Variants in EPS8 observed in about 807,000 individuals in gnomAD.
The protein encoded by EPS8 is epidermal growth factor receptor kinase substrate 8.
EPS8 carries 42 observed loss-of-function variants against 103.8 expected under a neutral mutation model. That is an observed-to-expected ratio of 0.40 (90% confidence interval 0.32 to 0.52). EPS8 has a LOEUF of 0.52. Among genes scored for constraint, EPS8 ranks in the 20% least tolerant of loss-of-function variants. The pLI is 0.40. For synonymous variants in EPS8, 344 were observed against 344.6 expected, an observed-to-expected ratio of 1.00 and a Z score of 0.02; for missense variants, 969 against 1,005.1, an observed-to-expected ratio of 0.96 and a Z score of 0.49.
chr12:15,769,821 T>C lies in EPS8; in HGVS notation c.-22+19340A>G, dbSNP rs906304250. On this transcript the variant is annotated intron_variant, in intron 1 of 20. Transcript: ENST00000281172. The surrounding 1 kb of genome is among the most constrained non-coding windows in gnomAD (Gnocchi z 4.6). ...TTCCTGAACTTTCTGACCAAAGTCA[T>C]GTTTTATTATTTCTCAGATGTATTC... 1.3e-5 allele frequency among the ~76,000 whole-genome samples: 2 copies of C among 152,204 alleles called. No individual in the cohort carries two copies. The highest frequency in any genetic ancestry group is 2.4e-5 in the African/African-American group (1 of 41,458).
At chr12:15,667,108 T>A (rs1352386825) in intron 6 of EPS8, among the ~76,000 whole-genome samples, 1 of 152,144 alleles carries the variant, frequency 6.6e-6, no homozygotes, top group Non-Finnish European at 1.5e-5. Context: ...GGGAGCAACG[T>A]GAGATTAGCA....
chr12:15,757,222 G>A lies in EPS8; in HGVS notation c.-22+31939C>T, dbSNP rs1946994835. ...TACCATTTTAAATACCCTCAAAACA[G>A]TGGTGTAGAGTGAAATGTTCTTGAC... On this transcript the variant is annotated intron_variant, in intron 1 of 20. Transcript: ENST00000281172. This position sits in a 1 kb window ranked among gnomAD's most constrained non-coding sequence, Gnocchi z 4.1. 1.3e-5 allele frequency among the ~76,000 whole-genome samples: 2 copies of A among 152,152 alleles called. No individual in the cohort carries two copies. Among genetic ancestry groups the A allele is most frequent in the Non-Finnish European group, 2.9e-5 (2 of 68,018 alleles).
rs942809222 is a variant in EPS8 at position 15,738,025 on chromosome 12, T to C, written c.-22+51136A>G. On this transcript the variant is annotated intron_variant, in intron 1 of 20. Coordinates refer to ENST00000281172, the MANE Select transcript of EPS8 (RefSeq NM_004447.6). This position sits in a 1 kb window ranked among gnomAD's most constrained non-coding sequence, Gnocchi z 6.2. ...TAAAATTAGCTAAACAAATAGTAAA[T>C]GAGGGGAATTCGCTCTTCACAGAAA... is the stretch of plus-strand genomic sequence containing the variant. Among the ~76,000 whole-genome samples, 4 of 151,998 alleles carry C rather than the reference T, an allele frequency of 2.6e-5. No individual in the cohort carries two copies. Among genetic ancestry groups the C allele is most frequent in the African/African-American group, 9.7e-5 (4 of 41,338 alleles).
At position 15,704,130 on chromosome 12, in the gene EPS8, T is replaced by C. The variant is rs1457418303; in HGVS notation, c.-21-21158A>G. On this transcript the variant is annotated intron_variant, in intron 1 of 20. Coordinates refer to ENST00000281172, the MANE Select transcript of EPS8 (RefSeq NM_004447.6). The surrounding 1 kb of genome is among the most constrained non-coding windows in gnomAD (Gnocchi z 4.6). The stretch of plus-strand genomic sequence containing the variant: ...GGTTTTTTTGTTCGTTCATTTAAAA[T>C]ATCCCTTTAATGGTGTAGTCATTGT... Among the ~76,000 whole-genome samples the C allele has an allele frequency of 6.6e-6, 1 of 152,088 alleles. No homozygotes were observed. The highest frequency in any genetic ancestry group is 2.4e-5 in the African/African-American group (1 of 41,418).
At chr12:15,628,610 A>G (rs1944990010) in intron 18 of EPS8, among the ~76,000 whole-genome samples, 3 of 152,238 alleles carry the variant, frequency 2.0e-5, no homozygotes, top group Admixed American at 6.5e-5. Context: ...AATAGCTTCT[A>G]TGACACAAGG....
At position 15,728,916 on chromosome 12, in the gene EPS8, CAT is replaced by C. The variant is rs1250137738; in HGVS notation, c.-21-45946_-21-45945del. 2.0e-5 allele frequency among the ~76,000 whole-genome samples: 3 copies of C among 152,110 alleles called. No individual in the cohort carries two copies. The highest frequency in any genetic ancestry group is 2.0e-4 in the Admixed American group (3 of 15,290). On this transcript the variant is annotated intron_variant, in intron 1 of 20. Transcript: ENST00000281172. The surrounding 1 kb of genome is among the most constrained non-coding windows in gnomAD (Gnocchi z 4.5). ...TTTGTAAATCCATCTTTTTTAAAAA[CAT>C]TTCTTGTAAGGCACTGTGCTGGCAG...
At chr12:15,788,263 A>G (rs562715331) in intron 1 of EPS8, among the ~76,000 whole-genome samples, 3 of 152,370 alleles carry the variant, frequency 2.0e-5, no homozygotes, top group Non-Finnish European at 2.9e-5. Context: ...AAAGAGAAGC[A>G]GTAACACATT....
At chr12:15,726,420 C>T (rs1283295515) in intron 1 of EPS8, among the ~76,000 whole-genome samples, 1 of 151,980 alleles carries the variant, frequency 6.6e-6, no homozygotes, top group African/African-American at 2.4e-5. Context: ...AAAGCACTGG[C>T]TCAGAAGAGT....
Position 15,701,640 on chromosome 12 carries a change from G to A in EPS8, c.-21-18668C>T, listed in dbSNP as rs958453699. On this transcript the variant is annotated intron_variant, in intron 1 of 20. Coordinates refer to ENST00000281172, the MANE Select transcript of EPS8 (RefSeq NM_004447.6). This position sits in a 1 kb window ranked among gnomAD's most constrained non-coding sequence, Gnocchi z 5.1. Reference sequence around the variant, plus strand: ...AGGACTTTAGTACAAATAATACCAAGTCTTCAATCTGAAAGAACAACTACT... The same window carrying A: ...AGGACTTTAGTACAAATAATACCAAATCTTCAATCTGAAAGAACAACTACT... 6.6e-6 allele frequency among the ~76,000 whole-genome samples: 1 copy of A among 152,102 alleles called. No individual in the cohort carries two copies. Among genetic ancestry groups the A allele is most frequent in the Non-Finnish European group, 1.5e-5 (1 of 67,998 alleles).
chr12:15,713,108 G>T lies in EPS8; in HGVS notation c.-21-30136C>A, dbSNP rs1946488749. On this transcript the variant is annotated intron_variant, in intron 1 of 20. Transcript: ENST00000281172. This position sits in a 1 kb window ranked among gnomAD's most constrained non-coding sequence, Gnocchi z 4.8. ...TACACTTCCAACTCTTGCCTAAGAT[G>T]ATTTTTTTTTTAAGTTTTAAATGGT... The T allele has an allele frequency of 1.0e-5, 5 of 501,384 alleles. No homozygotes were observed. Among genetic ancestry groups the T allele is most frequent in the Non-Finnish European group, 1.3e-5 (5 of 388,214 alleles). The allele number at this position is 501,384 out of a possible 1,614,324, so 31.1% of individuals were successfully genotyped here.
At chr12:15,739,746 C>G (rs1946801045) in intron 1 of EPS8, among the ~76,000 whole-genome samples, 1 of 152,062 alleles carries the variant, frequency 6.6e-6, no homozygotes, top group African/African-American at 2.4e-5. Context: ...TTAGCCAGTT[C>G]CCCTAATAAG....
chr12:15,713,661 A>G lies in EPS8; in HGVS notation c.-21-30689T>C, dbSNP rs954786456. 5.9e-5 allele frequency among the ~76,000 whole-genome samples: 9 copies of G among 152,212 alleles called. No homozygotes were observed. The highest frequency in any genetic ancestry group is 2.2e-4 in the African/African-American group (9 of 41,458). The stretch of plus-strand genomic sequence containing the variant: ...AGTCCTGATACTTATGCAGGGACAG[A>G]AGGGGAGGCCCTGGGCACACGAGGT... On this transcript the variant is annotated intron_variant, in intron 1 of 20. Transcript: ENST00000281172. The surrounding 1 kb of genome is among the most constrained non-coding windows in gnomAD (Gnocchi z 4.8).
At chr12:15,650,431 T>C (rs1478014302) in intron 14 of EPS8, among the ~76,000 whole-genome samples, 1 of 152,160 alleles carries the variant, frequency 6.6e-6, no homozygotes, top group African/African-American at 2.4e-5. Context: ...TTCAGGGAAC[T>C]GTCTTGAGGG....
Position 15,658,025 on chromosome 12 carries a change from T to C in EPS8, c.1101+54A>G. On this transcript the variant is annotated intron_variant, in intron 12 of 20. Coordinates refer to ENST00000281172, the MANE Select transcript of EPS8 (RefSeq NM_004447.6). ...AGTCTAGATAATCCAGACAGACACT[T>C]GGGGTTAAAAAATATACTAAGAACG... 3 of 1,076,552 alleles carry C rather than the reference T, an allele frequency of 2.8e-6. No homozygotes were observed. In the South Asian group the frequency reaches 3.8e-5, roughly 14 times the overall value. The allele number at this position is 1,076,552 out of a possible 1,614,324, so 66.7% of individuals were successfully genotyped here.
chr12:15,629,214 T>C (rs569253955), intron 18 of EPS8, among the ~76,000 whole-genome samples: 48 of 152,318 alleles, frequency 3.2e-4, no homozygotes, highest in Non-Finnish European at 6.2e-4. Flanking sequence ...TTTAAAAGTA[T>C]GCAAACTATG....
chr12:15,683,148 C>T (rs1374194707), intron 1 of EPS8, 176 bp from the exon 2 acceptor site: 2 of 403,472 alleles, frequency 5.0e-6, no homozygotes, highest in African/African-American at 2.1e-5. Flanking sequence ...AACATTTAAA[C>T]AAAGATCCAA....
Position 15,745,064 on chromosome 12 carries a change from C to T in EPS8, c.-22+44097G>A, listed in dbSNP as rs1041984102. 1.3e-5 allele frequency among the ~76,000 whole-genome samples: 2 copies of T among 151,956 alleles called. No homozygotes were observed. The highest frequency in any genetic ancestry group is 2.4e-5 in the African/African-American group (1 of 41,370). On this transcript the variant is annotated intron_variant, in intron 1 of 20. Transcript: ENST00000281172. This position sits in a 1 kb window ranked among gnomAD's most constrained non-coding sequence, Gnocchi z 4.6. ...TTTTTAGTAGAGATGGGTTTCACCA[C>T]GTTGGACAGGATGGTCTCGATCTCC...
At chr12:15,770,707 C>T (rs1388834843) in intron 1 of EPS8, among the ~76,000 whole-genome samples, 1 of 152,120 alleles carries the variant, frequency 6.6e-6, no homozygotes, top group East Asian at 1.9e-4. Context: ...GGCATGTTTG[C>T]CAGAAGGGTT....
chr12:15,694,304 A>G (rs1388523787), intron 1 of EPS8, among the ~76,000 whole-genome samples: 1 of 152,180 alleles, frequency 6.6e-6, no homozygotes, highest in Non-Finnish European at 1.5e-5. Context: ...GGAAATTTAC[A>G]TTTGATAAAG....
Sources: allele counts gnomAD v4.1 joint callset (sites outside exome capture counted in the v4.1 genomes callset), GRCh38; gene constraint gnomAD v4.1.1; non-coding constraint Gnocchi (gnomAD v3.1); transcripts MANE v1.5; gene names NCBI Gene and HGNC (gene_info 2026-07-23, HGNC 2026-07-21).